Variants in DPP6 observed in about 807,000 individuals in gnomAD.
DPP6 encodes A-type potassium channel modulatory protein DPP6.
DPP6 carries 69 observed loss-of-function variants against 122.6 expected under a neutral mutation model. The observed-to-expected ratio is 0.56, with a 90% CI of 0.46 to 0.69. The LOEUF (loss-of-function observed/expected upper bound fraction) is 0.69, where lower values mean the gene tolerates loss of function less well. Among genes scored for constraint, DPP6 ranks in the 30% least tolerant of loss-of-function variants. The pLI, the probability that DPP6 is intolerant of heterozygous loss-of-function variation, is 0.00. For missense variants in DPP6, 928 were observed against 1,116.9 expected, an observed-to-expected ratio of 0.83 and a Z score of 2.41; for synonymous variants, 418 against 433.1, an observed-to-expected ratio of 0.97 and a Z score of 0.43.
the DPP6 span, among the ~76,000 whole-genome samples, chr7:153,842,259 C>T: frequency 6.6e-6 from 1 of 152,016 alleles, no homozygotes; most frequent in Non-Finnish European, 1.5e-5. Context: ...ACTCATTATT[C>T]GTTTAAATAG....
chr7:154,810,030 A>G (rs1320309550), intron 16 of DPP6, among the ~76,000 whole-genome samples: 1 of 152,176 alleles, frequency 6.6e-6, no homozygotes, highest in Non-Finnish European at 1.5e-5. Flanking sequence ...TAATTTTTGT[A>G]TTTTTAGTAA....
chr7:154,086,409 G>T (rs1031385651), intron 1 of DPP6, among the ~76,000 whole-genome samples: 3 of 148,090 alleles, frequency 2.0e-5, no homozygotes, highest in African/African-American at 7.5e-5. Flanking sequence ...TACCCATAAA[G>T]AAAGTGGCAG....
chr7:153,804,185 A>G, the DPP6 span, among the ~76,000 whole-genome samples: 1 of 151,594 alleles, frequency 6.6e-6, no homozygotes, highest in African/African-American at 2.4e-5. Context: ...GAGTAGCTGG[A>G]ATTACAGGTG....
At chr7:154,793,861 T>G in intron 10 of DPP6, 1 of 607,620 alleles carries the variant, frequency 1.6e-6, no homozygotes, top group Non-Finnish European at 2.6e-6. Context: ...TGTCTTTGGG[T>G]TTATTTAGCA....
At position 154,863,880 on chromosome 7, in the gene DPP6, G is replaced by A. The variant is rs187767272; in HGVS notation, c.1715-4115G>A. Among the ~76,000 whole-genome samples, 4 of 152,208 alleles carry A rather than the reference G, an allele frequency of 2.6e-5. No homozygotes were observed. Among genetic ancestry groups the A allele is most frequent in the African/African-American group, 4.8e-5 (2 of 41,526 alleles). ...GAGTAAGTTTAAACAGTAGTCATGCGGGCTCTGGGCCTGAATCTGGTCTTC... is the reference window on the plus strand; with the variant it reads ...GAGTAAGTTTAAACAGTAGTCATGCAGGCTCTGGGCCTGAATCTGGTCTTC... On this transcript the variant is annotated intron_variant, in intron 17 of 25. Transcript: ENST00000377770. This position sits in a 1 kb window ranked among gnomAD's most constrained non-coding sequence, Gnocchi z 4.1.
In DPP6 at chr7:154,481,367, G is replaced by GTGTGTGTC. The variant is rs1366509762; in HGVS notation, c.457+6338_457+6345dup. On this transcript the variant is annotated intron_variant, in intron 3 of 25. Transcript: ENST00000377770. The surrounding 1 kb of genome is among the most constrained non-coding windows in gnomAD (Gnocchi z 4.2). ...GAGGGGTGTGTGTGTGTGTGTGTGTGTGTGTGTCTGTGTGTGTGTGCATGT... is the reference window on the plus strand; with the variant it reads ...GAGGGGTGTGTGTGTGTGTGTGTGTGTGTGTGTCTGTGTGTCTGTGTGTGTGTGCATGT... Among the ~76,000 whole-genome samples the GTGTGTGTC allele has an allele frequency of 1.2e-3, 181 of 151,780 alleles. No individual in the cohort carries two copies. Among genetic ancestry groups the GTGTGTGTC allele is most frequent in the African/African-American group, 4.2e-3 (173 of 41,340 alleles).
At chr7:154,874,044 AT>A (rs1804638500) in intron 19 of DPP6, among the ~76,000 whole-genome samples, 11 of 133,556 alleles carry the variant, frequency 8.2e-5, no homozygotes, top group East Asian at 6.6e-4. Flanking sequence ...ACGCATCCAC[AT>A]GCAGCACATA....
At chr7:154,152,594 A>C (rs1469552303) in intron 1 of DPP6, among the ~76,000 whole-genome samples, 1 of 152,244 alleles carries the variant, frequency 6.6e-6, no homozygotes, top group Non-Finnish European at 1.5e-5. Context: ...TGGGATTAGA[A>C]CATTATCAGG....
chr7:154,689,025 A>G (rs1221742326), intron 7 of DPP6, among the ~76,000 whole-genome samples: 1 of 152,136 alleles, frequency 6.6e-6, no homozygotes, highest in Non-Finnish European at 1.5e-5. Context: ...AGATAATTAC[A>G]CCCTCTCCAA....
chr7:154,588,153 C>G, intron 5 of DPP6: 1 of 1,547,100 alleles, frequency 6.5e-7, no homozygotes, highest in South Asian at 1.2e-5. Flanking sequence ...ACGCTGTCAT[C>G]AGGCCCAAGA....
chr7:154,452,688 C>T (rs1232461003), intron 2 of DPP6, among the ~76,000 whole-genome samples: 1 of 152,194 alleles, frequency 6.6e-6, no homozygotes, highest in African/African-American at 2.4e-5. Flanking sequence ...CCCAGGGGCC[C>T]CTTGCCACCC....
chr7:154,367,685 T>A (rs1438186180), intron 1 of DPP6, among the ~76,000 whole-genome samples: 1 of 152,238 alleles, frequency 6.6e-6, no homozygotes, highest in African/African-American at 2.4e-5. Flanking sequence ...TTTTAAGTAA[T>A]ACAGCAGAAG....
chr7:154,237,944 G>C (rs986916065), intron 1 of DPP6, among the ~76,000 whole-genome samples: 7 of 152,216 alleles, frequency 4.6e-5, no homozygotes, highest in Non-Finnish European at 1.5e-5. Flanking sequence ...CAGAGAGAAT[G>C]AGATGTCTGA....
intron 1 of DPP6, among the ~76,000 whole-genome samples, chr7:154,442,755 A>G (rs1475247197): frequency 6.6e-6 from 1 of 152,140 alleles, no homozygotes; most frequent in Non-Finnish European, 1.5e-5. Context: ...CTAGGTCTGT[A>G]TGACCTTCTC....
chr7:154,510,897 C>G (rs1350212497), intron 3 of DPP6, among the ~76,000 whole-genome samples: 3 of 151,210 alleles, frequency 2.0e-5, no homozygotes, highest in East Asian at 3.9e-4. Context: ...TGCTCTCTCT[C>G]TCTCTCTCTA....
intron 6 of DPP6, among the ~76,000 whole-genome samples, chr7:154,638,866 C>CGGAACAGGAGG (rs1835891108): frequency 6.6e-6 from 1 of 152,148 alleles, no homozygotes; most frequent in South Asian, 2.1e-4. Context: ...CTTCCTGTTC[C>CGGAACAGGAGG]CCACCTCATG....
chr7:153,818,581 A>G, the DPP6 span, among the ~76,000 whole-genome samples: 3 of 152,154 alleles, frequency 2.0e-5, no homozygotes, highest in African/African-American at 7.2e-5. Context: ...GGTGCCATTT[A>G]TGAATTGTAA....
At chr7:154,468,933 T>C (rs184170467) in intron 2 of DPP6, among the ~76,000 whole-genome samples, 1 of 152,282 alleles carries the variant, frequency 6.6e-6, no homozygotes, top group East Asian at 1.9e-4. Flanking sequence ...TAATATACTT[T>C]AGTAACACAA....
At chr7:153,755,743 A>G in the DPP6 span, among the ~76,000 whole-genome samples, 1 of 151,580 alleles carries the variant, frequency 6.6e-6, no homozygotes, top group Admixed American at 6.6e-5. Flanking sequence ...TTTAGCACTG[A>G]TTCCCTTTCT....
Sources: allele counts gnomAD v4.1 joint callset (sites outside exome capture counted in the v4.1 genomes callset), GRCh38; gene constraint gnomAD v4.1.1; non-coding constraint Gnocchi (gnomAD v3.1); transcripts MANE v1.5; gene names NCBI Gene and HGNC (gene_info 2026-07-23, HGNC 2026-07-21).